The following CRADD variants were observed in gnomAD, a reference collection of about 807,000 sequenced individuals.
The protein encoded by CRADD is death domain-containing protein CRADD.
CRADD carries 9 observed loss-of-function variants against 15.5 expected under a neutral mutation model. The observed-to-expected ratio is 0.58, with a 90% CI of 0.35 to 1.01. The LOEUF (loss-of-function observed/expected upper bound fraction) is 1.01. Among genes scored for constraint, CRADD ranks in the 50% least tolerant of loss-of-function variants. The pLI is 0.02. For missense variants in CRADD, 227 were observed against 250.3 expected, an observed-to-expected ratio of 0.91 and a Z score of 0.63; for synonymous variants, 118 against 107.6, an observed-to-expected ratio of 1.10 and a Z score of -0.60.
chr12:93,743,287 A>G (rs1315249536), intron 2 of CRADD, among the ~76,000 whole-genome samples: 1 of 152,158 alleles, frequency 6.6e-6, no homozygotes, highest in Non-Finnish European at 1.5e-5. Context: ...TTTTCGAAGC[A>G]GTCTATACCA....
chr12:93,857,067 G>A (rs911670051), intron 2 of CRADD, among the ~76,000 whole-genome samples: 2 of 151,802 alleles, frequency 1.3e-5, no homozygotes, highest in African/African-American at 4.8e-5. Context: ...AAAATATATG[G>A]CAATAATTCT....
chr12:93,685,656 A>G (rs1955411236), intron 2 of CRADD, among the ~76,000 whole-genome samples: 1 of 152,226 alleles, frequency 6.6e-6, no homozygotes, highest in Non-Finnish European at 1.5e-5. Context: ...GGAAAAAACC[A>G]TTACTTACAT....
intron 2 of CRADD, among the ~76,000 whole-genome samples, chr12:93,809,717 T>C (rs1020217828): frequency 6.6e-6 from 1 of 152,216 alleles, no homozygotes; most frequent in African/African-American, 2.4e-5. Flanking sequence ...GAACACGGAA[T>C]GAATGGGCAT....
At chr12:93,813,939 G>A (rs541171152) in intron 2 of CRADD, among the ~76,000 whole-genome samples, 195 of 152,240 alleles carry the variant, frequency 1.3e-3, no homozygotes, top group Non-Finnish European at 2.1e-3. Flanking sequence ...CCCAGCTACC[G>A]AGAGTGCCAC....
chr12:93,790,554 G>GT (rs1555224307), intron 2 of CRADD: 1 of 151,718 alleles, frequency 6.6e-6, no homozygotes, highest in Non-Finnish European at 1.5e-5. Flanking sequence ...TTTATTTATA[G>GT]TTTTCTGGCT....
At chr12:93,702,630 G>A (rs1258706369) in intron 2 of CRADD, among the ~76,000 whole-genome samples, 1 of 150,960 alleles carries the variant, frequency 6.6e-6, no homozygotes, top group Non-Finnish European at 1.5e-5. Context: ...CTTGTAAGAC[G>A]GAAACAATTC....
Position 93,868,328 on chromosome 12 carries a change from G to A in CRADD, c.299-25722G>A, listed in dbSNP as rs906096928. On this transcript the variant is annotated intron_variant, in intron 2 of 2. Coordinates refer to the CRADD transcript ENST00000548483. ...CTTTTGTGGTCCACTCTTATAAGGAGATTCATTCAAAAGAAACTAATTTAG... is the reference window on the plus strand; with the variant it reads ...CTTTTGTGGTCCACTCTTATAAGGAAATTCATTCAAAAGAAACTAATTTAG... Among the ~76,000 whole-genome samples, 26 of 152,214 alleles carry A rather than the reference G, an allele frequency of 1.7e-4. 1 individual carries two copies. Among genetic ancestry groups the A allele is most frequent in the African/African-American group, 6.3e-4 (26 of 41,546 alleles).
intron 2 of CRADD, among the ~76,000 whole-genome samples, chr12:93,826,031 G>C (rs1957819812): frequency 6.6e-6 from 1 of 152,168 alleles, no homozygotes; most frequent in African/African-American, 2.4e-5. Context: ...GGGCTGAACT[G>C]TCTTCAGGAA....
At chr12:93,894,081 T>A in exon 3 of CRADD, 1 of 702,532 alleles carries the variant, frequency 1.4e-6, no homozygotes, top group Non-Finnish European at 2.6e-6. Context: ...AGGATTCTGT[T>A]ACTTGCCTGG....
intron 2 of CRADD, among the ~76,000 whole-genome samples, chr12:93,843,055 G>A (rs985856597): frequency 7.9e-5 from 12 of 152,166 alleles, no homozygotes; most frequent in African/African-American, 2.9e-4. Flanking sequence ...TTTTAAACCA[G>A]GATGAACATT....
intron 2 of CRADD, among the ~76,000 whole-genome samples, chr12:93,785,342 G>A (rs933778826): frequency 6.6e-6 from 1 of 152,084 alleles, no homozygotes; most frequent in Non-Finnish European, 1.5e-5. Context: ...ACGAACATCC[G>A]AAATGAAAAT....
At chr12:93,889,698 A>G (rs1182247842) in intron 2 of CRADD, among the ~76,000 whole-genome samples, 1 of 152,170 alleles carries the variant, frequency 6.6e-6, no homozygotes, top group Non-Finnish European at 1.5e-5. Context: ...ATGCAACTGG[A>G]GGTGATGCCG....
At chr12:93,696,231 T>A (rs1021830718) in intron 2 of CRADD, among the ~76,000 whole-genome samples, 1 of 152,172 alleles carries the variant, frequency 6.6e-6, no homozygotes, top group Non-Finnish European at 1.5e-5. Flanking sequence ...ATCCCACTAC[T>A]GGGTATATAT....
At chr12:93,755,919 T>C (rs1956884851) in intron 2 of CRADD, among the ~76,000 whole-genome samples, 1 of 152,218 alleles carries the variant, frequency 6.6e-6, no homozygotes, top group South Asian at 2.1e-4. Flanking sequence ...TTTAGGCAGA[T>C]GAACTGTTAG....
chr12:93,756,234 C>T (rs1243536952), intron 2 of CRADD, among the ~76,000 whole-genome samples: 1 of 152,130 alleles, frequency 6.6e-6, no homozygotes, highest in East Asian at 1.9e-4. Flanking sequence ...CTTTTTTGTT[C>T]ACCAATATAT....
chr12:93,794,255 CCCATTGCTTT>C (rs1425440711), intron 2 of CRADD, among the ~76,000 whole-genome samples: 4 of 152,200 alleles, frequency 2.6e-5, no homozygotes, highest in African/African-American at 9.6e-5. Flanking sequence ...CTCATTGGGT[CCCATTGCTTT>C]AAATACCTTC....
intron 2 of CRADD, among the ~76,000 whole-genome samples, chr12:93,889,725 C>T (rs1270372525): frequency 6.6e-6 from 1 of 152,098 alleles, no homozygotes; most frequent in Non-Finnish European, 1.5e-5. Context: ...AAAGAGATAG[C>T]CCCGGAAGTG....
intron 2 of CRADD, among the ~76,000 whole-genome samples, chr12:93,879,092 A>G (rs146851688): frequency 3.4e-4 from 52 of 152,060 alleles, no homozygotes; most frequent in African/African-American, 6.3e-4. Flanking sequence ...TTTTTGCACT[A>G]TGTTCAGGGA....
At chr12:93,738,813 G>A (rs552004063) in intron 2 of CRADD, among the ~76,000 whole-genome samples, 1 of 148,308 alleles carries the variant, frequency 6.7e-6, no homozygotes, top group South Asian at 2.3e-4. Context: ...AGAAGAGAGA[G>A]AGGGAAGGAG....
Sources: gnomAD v4.1 joint callset for allele counts (sites outside exome capture counted in the v4.1 genomes callset) on GRCh38, gnomAD v4.1.1 for gene constraint, MANE v1.5 for transcripts, NCBI Gene and HGNC (gene_info 2026-07-23, HGNC 2026-07-21) for gene names.